SORBS2: variants seen among roughly 807,000 people sequenced by gnomAD.
SORBS2 encodes sorbin and SH3 domain containing 2.
Under a neutral mutation model 97.7 loss-of-function variants are expected in SORBS2, and 46 were observed. The ratio of observed to expected loss-of-function variants is 0.47; its 90% confidence interval spans 0.37 to 0.60. The LOEUF is 0.60. SORBS2 is among the 20% of genes least tolerant of loss of function. The probability of loss-of-function intolerance (pLI) is 0.00; values close to 1 mark genes in which losing one functional copy is unlikely to be tolerated. For missense variants in SORBS2, 1,316 were observed against 1,282.3 expected, an observed-to-expected ratio of 1.03 and a Z score of -0.40; for synonymous variants, 476 against 473.4, an observed-to-expected ratio of 1.01 and a Z score of -0.07.
intron 6 of SORBS2, 76 bp from the exon 19 acceptor site, chr4:185,624,570 T>A: frequency 6.9e-7 from 1 of 1,443,690 alleles, no homozygotes; most frequent in South Asian, 1.4e-5. Context: ...GGAGAGCATG[T>A]CAGTAAAGCA....
At chr4:185,909,055 C>G (rs1159006771) in intron 1 of SORBS2, among the ~76,000 whole-genome samples, 1 of 151,800 alleles carries the variant, frequency 6.6e-6, no homozygotes, top group East Asian at 1.9e-4. Flanking sequence ...GGGTTTCTAC[C>G]CATAGGAAAA....
At position 185,811,942 on chromosome 4, in the gene SORBS2, A is replaced by T. The variant is rs189796974; in HGVS notation, c.-337-36576T>A. On this transcript the variant is annotated intron_variant, in intron 1 of 20. The change creates a premature stop within an existing upstream ORF in the 5' untranslated region. Transcript: ENST00000284776. ...TAAGCAGCTAGGGAGCTGCTGAGATAATATTGCAGGGAAAGCTTGCCTTCC... is the reference window on the plus strand; with the variant it reads ...TAAGCAGCTAGGGAGCTGCTGAGATTATATTGCAGGGAAAGCTTGCCTTCC... 1 of 152,386 alleles carries T rather than the reference A, an allele frequency of 6.6e-6. No homozygotes were observed. Among genetic ancestry groups the T allele is most frequent in the Admixed American group, 6.5e-5 (1 of 15,296 alleles). 9.4% of individuals were successfully genotyped at this position (152,386 alleles called of 1,614,324 possible). A position where few individuals can be genotyped will look rare whatever the true frequency, so the allele number is the denominator to read the frequency against.
chr4:185,816,308 C>T (rs1585240141), intron 1 of SORBS2, among the ~76,000 whole-genome samples: 1 of 152,192 alleles, frequency 6.6e-6, no homozygotes, highest in East Asian at 1.9e-4. Context: ...GGATCTGGTC[C>T]CTGGCACAAC....
intron 2 of SORBS2, among the ~76,000 whole-genome samples, chr4:185,680,286 G>T (rs2097851231): frequency 6.6e-6 from 1 of 152,210 alleles, no homozygotes. Flanking sequence ...TGGGACTACA[G>T]GTATGTGCCA....
intron 1 of SORBS2, among the ~76,000 whole-genome samples, chr4:185,902,182 G>A (rs1330721027): frequency 6.6e-6 from 1 of 152,106 alleles, no homozygotes; most frequent in Non-Finnish European, 1.5e-5. Flanking sequence ...TGTTTCTTGT[G>A]ATATCACTGC....
intron 1 of SORBS2, among the ~76,000 whole-genome samples, chr4:185,924,698 C>T (rs1220432593): frequency 6.6e-6 from 1 of 152,206 alleles, no homozygotes; most frequent in Non-Finnish European, 1.5e-5. Flanking sequence ...AACCAATCCC[C>T]TGTGCCCTAT....
chr4:185,733,222 C>T (rs1478931657), intron 2 of SORBS2, among the ~76,000 whole-genome samples: 7 of 152,206 alleles, frequency 4.6e-5, no homozygotes, highest in African/African-American at 7.2e-5. Context: ...TGCACCAGTG[C>T]TACTTGAAGG....
chr4:185,879,906 G>C (rs906348970), intron 1 of SORBS2, among the ~76,000 whole-genome samples: 2 of 152,272 alleles, frequency 1.3e-5, no homozygotes, highest in African/African-American at 4.8e-5. Context: ...CCCCGTGCTG[G>C]GACCTTCTAC....
At chr4:185,724,718 A>C (rs2098543390) in intron 2 of SORBS2, among the ~76,000 whole-genome samples, 1 of 152,134 alleles carries the variant, frequency 6.6e-6, no homozygotes, top group South Asian at 2.1e-4. Context: ...TTGCCAGACT[A>C]TCTGCTCTCC....
chr4:185,938,838 C>T (rs2149992338), intron 1 of SORBS2, among the ~76,000 whole-genome samples: 1 of 152,276 alleles, frequency 6.6e-6, no homozygotes, highest in East Asian at 1.9e-4. Flanking sequence ...TGTACACATG[C>T]CTGGCAATAC....
intron 2 of SORBS2, among the ~76,000 whole-genome samples, chr4:185,737,382 T>C (rs1036093382): frequency 7.9e-5 from 12 of 152,290 alleles, no homozygotes; most frequent in African/African-American, 2.6e-4. Context: ...TGTCTGCTCC[T>C]TTACTGGAAC....
At chr4:185,626,849 G>A in exon 6 of SORBS2, 3 of 1,614,216 alleles carry the variant, frequency 1.9e-6, no homozygotes, top group South Asian at 1.1e-5. Flanking sequence ...TCTTGATGGG[G>A]AAGAAGGAGA....
At chr4:185,614,159 GTTTTTTT>G (rs34929054) in intron 11 of SORBS2, among the ~76,000 whole-genome samples, 89 of 91,610 alleles carry the variant, frequency 9.7e-4, no homozygotes, top group Middle Eastern at 0.015. Flanking sequence ...GTTTTTTTGT[GTTTTTTT>G]TTTTTTTTTT....
intron 1 of SORBS2, among the ~76,000 whole-genome samples, chr4:185,855,339 G>T (rs554512737): frequency 1.3e-5 from 2 of 152,054 alleles, no homozygotes; most frequent in African/African-American, 2.4e-5. Flanking sequence ...CAGTACATAC[G>T]TGGACACACA....
exon 1 of SORBS2, chr4:185,656,937 A>C: frequency 8.6e-7 from 1 of 1,162,412 alleles, no homozygotes; most frequent in Non-Finnish European, 1.1e-6. Context: ...AACTCTCTTC[A>C]CTCCAATCAT....
At chr4:185,622,721 A>G (rs142953921) in intron 7 of SORBS2, among the ~76,000 whole-genome samples, 193 bp downstream of exon 19, 43 of 152,346 alleles carry the variant, frequency 2.8e-4, no homozygotes, top group African/African-American at 1.0e-3. Flanking sequence ...GCCACACATC[A>G]AGTCCAAATA....
intron 4 of SORBS2, among the ~76,000 whole-genome samples, chr4:185,669,728 TGAA>T (rs1315201320): frequency 2.0e-5 from 3 of 152,106 alleles, no homozygotes; most frequent in Non-Finnish European, 4.4e-5. Flanking sequence ...AAAATATAAA[TGAA>T]GACCAGCGCA....
chr4:185,816,020 G>A (rs1004287092), intron 1 of SORBS2, among the ~76,000 whole-genome samples: 1 of 152,162 alleles, frequency 6.6e-6, no homozygotes, highest in African/African-American at 2.4e-5. Context: ...ATAAGTTATG[G>A]AGTAACTAAA....
chr4:185,652,723 G>C (rs758117374), exon 2 of SORBS2: 21 of 1,613,592 alleles, frequency 1.3e-5, no homozygotes, highest in Non-Finnish European at 1.8e-5. Flanking sequence ...TGGGCCGGTC[G>C]ACTGTCTGTA....
Sources: allele counts gnomAD v4.1 joint callset (sites outside exome capture counted in the v4.1 genomes callset), GRCh38; gene constraint gnomAD v4.1.1; transcripts MANE v1.5; gene names NCBI Gene and HGNC (gene_info 2026-07-23, HGNC 2026-07-21).